Variants in ADA observed in about 807,000 individuals in gnomAD.
ADA encodes the protein adenosine deaminase.
ADA carries 45 observed loss-of-function variants against 49.0 expected under a neutral mutation model. The ratio of observed to expected loss-of-function variants is 0.92; its 90% CI spans 0.72 to 1.18. ADA has a LOEUF of 1.18. Among genes scored for constraint, ADA ranks in the 50% most tolerant of loss-of-function variants. ADA has a pLI of 0.00. For missense variants in ADA, 445 were observed against 472.5 expected, an observed-to-expected ratio of 0.94 and a Z score of 0.54; for synonymous variants, 173 against 184.2, an observed-to-expected ratio of 0.94 and a Z score of 0.49.
chr20:44,623,396 G>A (rs2065351229), intron 6 of ADA, among the ~76,000 whole-genome samples: 1 of 152,238 alleles, frequency 6.6e-6, no homozygotes, highest in Non-Finnish European at 1.5e-5. Flanking sequence ...CAGGAAGTGT[G>A]GAACCAAGCT....
chr20:44,651,664 C>G lies in ADA; in HGVS notation c.-57G>C. The G allele has an allele frequency of 6.8e-7, 1 of 1,462,024 alleles. No homozygotes were observed. Among genetic ancestry groups the G allele is most frequent in the Non-Finnish European group, 9.0e-7 (1 of 1,112,552 alleles). The allele number at this position is 1,462,024 out of a possible 1,614,324, so 90.6% of individuals were successfully genotyped here. ...CCGCCGCCGCTCGGTGGGTCTCTGC[C>G]GGCTCGGTGGCCGCTCGGCTTTCCC... is the stretch of plus-strand genomic sequence containing the variant. On this transcript the variant is annotated 5_prime_UTR_variant, in exon 1 of 12. Coordinates refer to ENST00000372874, the MANE Select transcript of ADA (RefSeq NM_000022.4).
intron 1 of ADA, among the ~76,000 whole-genome samples, chr20:44,645,252 G>A (rs1334540818): frequency 6.6e-6 from 1 of 151,870 alleles, no homozygotes; most frequent in African/African-American, 2.4e-5. Flanking sequence ...CAGCTACTTG[G>A]GAGGCTGAGG....
chr20:44,621,243 A>T, intron 9 of ADA, 96 bp from the exon 10 acceptor site: 2 of 1,475,686 alleles, frequency 1.4e-6, no homozygotes, highest in Non-Finnish European at 1.9e-6. Context: ...TCCTCACAGC[A>T]GCCTCAAACA....
intron 4 of ADA, among the ~76,000 whole-genome samples, chr20:44,626,133 C>T (rs2065380339): frequency 6.6e-6 from 1 of 152,170 alleles, no homozygotes; most frequent in Admixed American, 6.5e-5. Context: ...CTTTAGAGAT[C>T]TGATCAGCAT....
Position 44,651,652 on chromosome 20 carries a change from G to A in ADA, c.-45C>T. The stretch of plus-strand genomic sequence containing the variant: ...GCGCTGCTCCCTCCGCCGCCGCTCG[G>A]TGGGTCTCTGCCGGCTCGGTGGCCG... On this transcript the variant is annotated 5_prime_UTR_variant, in exon 1 of 12. Coordinates refer to ENST00000372874, the MANE Select transcript of ADA (RefSeq NM_000022.4). The A allele has an allele frequency of 6.7e-7, 1 of 1,496,630 alleles. No homozygotes were observed. The highest frequency in any genetic ancestry group is 8.9e-7 in the Non-Finnish European group (1 of 1,129,806). 92.7% of individuals were successfully genotyped at this position (1,496,630 alleles called of 1,614,324 possible).
At chr20:44,645,791 C>T (rs552108691) in intron 1 of ADA, among the ~76,000 whole-genome samples, 2 of 152,230 alleles carry the variant, frequency 1.3e-5, no homozygotes, top group African/African-American at 4.8e-5. Flanking sequence ...TTAAATGACT[C>T]ATTCAAGCTC....
intron 2 of ADA, among the ~76,000 whole-genome samples, chr20:44,632,914 G>T (rs922465010): frequency 2.6e-5 from 4 of 152,226 alleles, no homozygotes; most frequent in African/African-American, 9.6e-5. Context: ...CGCTGGTCTT[G>T]AACTCCTGAC....
Position 44,636,192 on chromosome 20 carries a change from T to G in ADA, c.95+35A>C, listed in dbSNP as rs1300860013. ...GGTGGAGCTGGGGACCCCACTCAAA[T>G]CCCAGGGAGAGAGGGCTCTTCTGTA... On this transcript the variant is annotated intron_variant, in intron 2 of 11. Coordinates refer to ENST00000372874, the MANE Select transcript of ADA (RefSeq NM_000022.4). 4 of 1,579,636 alleles carry G rather than the reference T, an allele frequency of 2.5e-6. 1 individual carries two copies. In the African/African-American group the frequency reaches 5.4e-5, roughly 21 times the overall value.
intron 5 of ADA, among the ~76,000 whole-genome samples, chr20:44,624,850 C>G (rs970605250): frequency 6.6e-6 from 1 of 152,230 alleles, no homozygotes; most frequent in Non-Finnish European, 1.5e-5. Flanking sequence ...AACTAGATGT[C>G]CCCGGATACA....
chr20:44,637,807 C>T (rs573713184), intron 1 of ADA, among the ~76,000 whole-genome samples: 2 of 152,266 alleles, frequency 1.3e-5, no homozygotes, highest in African/African-American at 2.4e-5. Context: ...GGGGACAGAG[C>T]GGTCTTCACA....
chr20:44,624,263 A>T lies in ADA; in HGVS notation c.545T>A (p.Leu182Gln). ...TCCTGGGATGGTCTCATCTCCAGCCAGGTCAATGGCTACCACGGTCTGCTG... is the reference window on the plus strand; with the variant it reads ...TCCTGGGATGGTCTCATCTCCAGCCTGGTCAATGGCTACCACGGTCTGCTG... ...YQQQTVVAID[L>Q]AGDETIPGSS... Residue 182 changes from leucine to glutamine, a missense_variant, in exon 6 of 12, where the codon CTG becomes CAG. By Grantham distance (113) the Leu-to-Gln change is moderately radical (BLOSUM62 -2). Transcript: ENST00000372874. 6.2e-7 allele frequency: 1 copy of T among 1,613,988 alleles called. No individual in the cohort carries two copies. The highest frequency in any genetic ancestry group is 1.1e-5 in the South Asian group (1 of 91,074).
chr20:44,624,712 G>A (rs2065366103), intron 5 of ADA, among the ~76,000 whole-genome samples: 1 of 152,202 alleles, frequency 6.6e-6, no homozygotes, highest in Admixed American at 6.5e-5. Flanking sequence ...ACGGAGGACC[G>A]TTTAACACGT....
chr20:44,647,368 G>A (rs190859583), intron 1 of ADA, among the ~76,000 whole-genome samples: 3 of 151,982 alleles, frequency 2.0e-5, no homozygotes, highest in African/African-American at 7.3e-5. Flanking sequence ...CCTGGGAGGC[G>A]AAGGTTGCAG....
chr20:44,626,544 T>C lies in ADA; in HGVS notation c.274A>G (p.Lys92Glu). 1 of 1,614,198 alleles carries C rather than the reference T, an allele frequency of 6.2e-7. No homozygotes were observed. The highest frequency in any genetic ancestry group is 1.7e-4 in the Middle Eastern group (1 of 6,054). ...IAYEFVEMKA[K>E]EGVVYVEVRY... is the part of the protein sequence containing the mutation. The stretch of plus-strand genomic sequence containing the variant: ...ACCTCCACATACACCACGCCCTCTT[T>C]GGCCTTCATCTCTACAAACTCATAG... The change falls in exon 4 of 12, where the codon AAA (lysine) becomes GAA (glutamate). Residue 92 changes from lysine (K) to glutamate (E), a missense_variant. By Grantham distance (56) the Lys-to-Glu change is moderately conservative. Coordinates refer to ENST00000372874, the MANE Select transcript of ADA (RefSeq NM_000022.4).
At chr20:44,637,158 A>G (rs1168616321) in intron 1 of ADA, among the ~76,000 whole-genome samples, 1 of 152,172 alleles carries the variant, frequency 6.6e-6, no homozygotes, top group Non-Finnish European at 1.5e-5. Context: ...TCAGGAATCA[A>G]TATTAGGCAA....
Sources: gnomAD v4.1 joint callset for allele counts (sites outside exome capture counted in the v4.1 genomes callset) on GRCh38, gnomAD v4.1.1 for gene constraint, MANE v1.5 for transcripts, NCBI Gene and HGNC (gene_info 2026-07-23, HGNC 2026-07-21) for gene names.